Variants in BCL11B observed in about 807,000 individuals in gnomAD.
BCL11B encodes the protein B-cell lymphoma/leukemia 11B.
Under a neutral mutation model 49.9 loss-of-function variants are expected in BCL11B, and 8 were observed. The ratio of observed to expected loss-of-function variants is 0.16; its 90% CI spans 0.09 to 0.29. The LOEUF (loss-of-function observed/expected upper bound fraction) is 0.29. BCL11B is among the 10% of genes least tolerant of loss of function. The pLI, the probability that BCL11B is intolerant of heterozygous loss-of-function variation, is 1.00. For synonymous variants in BCL11B, 739 were observed against 637.4 expected (o/e 1.16, Z -2.40); for missense variants, 1,006 against 1,351.0 (o/e 0.74, Z 4.00).
At position 99,173,574 on chromosome 14, in the gene BCL11B, A is replaced by T. The variant is rs1886362120; in HGVS notation, c.*577T>A. On this transcript the variant is annotated 3_prime_UTR_variant, in exon 4 of 4. Transcript: ENST00000357195. Reference sequence around the variant, plus strand: ...AAAACCAAAAAAAAAATTAAAAAATAATTAAAAAAAAAACTGCATGCCACT... The same window carrying T: ...AAAACCAAAAAAAAAATTAAAAAATTATTAAAAAAAAAACTGCATGCCACT... 1 of 168,062 alleles carries T rather than the reference A, an allele frequency of 6.0e-6. No individual in the cohort carries two copies. Among genetic ancestry groups the T allele is most frequent in the African/African-American group, 2.7e-5 (1 of 37,432 alleles). 10.4% of individuals were successfully genotyped at this position (168,062 alleles called of 1,614,324 possible). A position where few individuals can be genotyped will look rare whatever the true frequency, so the allele number is the denominator to read the frequency against.
chr14:99,256,548 T>C (rs576456815), intron 2 of BCL11B, among the ~76,000 whole-genome samples: 1 of 152,216 alleles, frequency 6.6e-6, no homozygotes, highest in East Asian at 1.9e-4. Flanking sequence ...CAGGCCCTCC[T>C]TTCTCCCCCA....
At chr14:99,179,538 T>C (rs1886641063) in intron 3 of BCL11B, among the ~76,000 whole-genome samples, 1 of 148,042 alleles carries the variant, frequency 6.8e-6, no homozygotes, top group Non-Finnish European at 1.5e-5. Context: ...GGGAGGGCAT[T>C]ACCTGTCCAT....
At chr14:99,180,700 G>A (rs1256995830) in intron 3 of BCL11B, among the ~76,000 whole-genome samples, 5 of 152,266 alleles carry the variant, frequency 3.3e-5, no homozygotes, top group African/African-American at 9.6e-5. Flanking sequence ...GCGTTACGAT[G>A]GGGTTTGCAC....
rs1888896984 is a variant in BCL11B at position 99,247,975 on chromosome 14, G to T, written c.427+9496C>A. On this transcript the variant is annotated intron_variant, in intron 2 of 3. Coordinates refer to ENST00000357195, the MANE Select transcript of BCL11B (RefSeq NM_138576.4). The surrounding 1 kb of genome is among the most constrained non-coding windows in gnomAD (Gnocchi z 4.5). ...GGTCCTGGGCTGGGGGGCTCACCCT[G>T]CCCTTGGCTGCTGCCTTTTCTCCAC... 6.6e-6 allele frequency among the ~76,000 whole-genome samples: 1 copy of T among 152,164 alleles called. No individual in the cohort carries two copies. Among genetic ancestry groups the T allele is most frequent in the Non-Finnish European group, 1.5e-5 (1 of 68,036 alleles).
intron 3 of BCL11B, 85 bp from the exon 4 acceptor site, chr14:99,176,280 G>A: frequency 7.8e-7 from 1 of 1,280,702 alleles, no homozygotes; most frequent in South Asian, 1.4e-5. Flanking sequence ...TGGCCTGGGG[G>A]ACGCGGCCCG....
chr14:99,255,405 GAAAAAAAAA>G (rs67440207), intron 2 of BCL11B, among the ~76,000 whole-genome samples: 33 of 65,168 alleles, frequency 5.1e-4, no homozygotes, highest in South Asian at 3.8e-3. Flanking sequence ...TCACAACCTG[GAAAAAAAAA>G]AAAAAAAAAA....
intron 3 of BCL11B, among the ~76,000 whole-genome samples, chr14:99,223,047 G>C (rs1158102566): frequency 6.6e-6 from 1 of 152,118 alleles, no homozygotes; most frequent in Non-Finnish European, 1.5e-5. Context: ...GCAGTTCAGG[G>C]GTTGGTACGA....
In BCL11B at chr14:99,205,976, C is replaced by A. The variant is rs982133643; in HGVS notation, c.640+25369G>T. On this transcript the variant is annotated intron_variant, in intron 3 of 3. Transcript: ENST00000357195. This position sits in a 1 kb window ranked among gnomAD's most constrained non-coding sequence, Gnocchi z 5.0. ...CTTGTGGGAAGGGAGCCTGAAGTAC[C>A]CCCGATACCCTCAACAGAGGACCGA... is the stretch of plus-strand genomic sequence containing the variant. Among the ~76,000 whole-genome samples the A allele has an allele frequency of 3.3e-5, 5 of 152,112 alleles. No homozygotes were observed. The highest frequency in any genetic ancestry group is 1.2e-4 in the African/African-American group (5 of 41,426).
At chr14:99,234,678 G>A (rs541965906) in intron 2 of BCL11B, among the ~76,000 whole-genome samples, 2 of 152,092 alleles carry the variant, frequency 1.3e-5, no homozygotes, top group South Asian at 4.2e-4. Flanking sequence ...TCACCAAACG[G>A]TCACTATCAT....
chr14:99,236,186 G>A (rs968376039), intron 2 of BCL11B, among the ~76,000 whole-genome samples: 1 of 152,170 alleles, frequency 6.6e-6, no homozygotes, highest in Non-Finnish European at 1.5e-5. Context: ...TACTGTGCAG[G>A]AAAGGCAGCG....
At chr14:99,218,477 T>C (rs1887919731) in intron 3 of BCL11B, among the ~76,000 whole-genome samples, 1 of 152,054 alleles carries the variant, frequency 6.6e-6, no homozygotes, top group African/African-American at 2.4e-5. Flanking sequence ...CCACACTGCC[T>C]TCCATAAACA....
At position 99,257,143 on chromosome 14, in the gene BCL11B, A is replaced by C. The variant is rs1889187708; in HGVS notation, c.427+328T>G. Among the ~76,000 whole-genome samples, 1 of 152,186 alleles carries C rather than the reference A, an allele frequency of 6.6e-6. No individual in the cohort carries two copies. ...CTGTCTGGCTTCAAAATCAGGGACTAAGCCAAGATCAGTAGCAAAGAGAGG... is the reference window on the plus strand; with the variant it reads ...CTGTCTGGCTTCAAAATCAGGGACTCAGCCAAGATCAGTAGCAAAGAGAGG... On this transcript the variant is annotated intron_variant, in intron 2 of 3. Coordinates refer to ENST00000357195, the MANE Select transcript of BCL11B (RefSeq NM_138576.4). This position sits in a 1 kb window ranked among gnomAD's most constrained non-coding sequence, Gnocchi z 6.2.
intron 1 of BCL11B, among the ~76,000 whole-genome samples, chr14:99,263,799 CA>C (rs1435972359): frequency 2.0e-5 from 3 of 152,074 alleles, no homozygotes; most frequent in Non-Finnish European, 2.9e-5. Context: ...TCCAGAACCC[CA>C]AAAACTGAGC....
chr14:99,185,926 A>C (rs1886840189), intron 3 of BCL11B, among the ~76,000 whole-genome samples: 1 of 152,248 alleles, frequency 6.6e-6, no homozygotes, highest in Non-Finnish European at 1.5e-5. Context: ...CAACTTCTCA[A>C]CAACATTTAT....
intron 3 of BCL11B, among the ~76,000 whole-genome samples, chr14:99,199,679 T>TGCGCGCGCGCGCGC (rs1416553945): frequency 1.4e-5 from 1 of 69,906 alleles, no homozygotes; most frequent in Non-Finnish European, 3.7e-5. Flanking sequence ...TGTGTGTGTG[T>TGCGCGCGCGCGCGC]GTGTGCGCGC....
intron 1 of BCL11B, among the ~76,000 whole-genome samples, chr14:99,265,465 C>T (rs572783266): frequency 6.6e-6 from 1 of 152,238 alleles, no homozygotes; most frequent in East Asian, 1.9e-4. Flanking sequence ...TGACCCCCTC[C>T]CATTCCCTCC....
In BCL11B at chr14:99,231,410, G is replaced by A. The variant is rs560305417; in HGVS notation, c.575C>T (p.Ser192Leu). 1.6e-5 allele frequency: 25 copies of A among 1,597,980 alleles called. No individual in the cohort carries two copies. The East Asian group carries it at 2.7e-4, about 17-fold the overall frequency. ...ACCCTCACCCTGAGTCCCGTCACCCGAGACCGGGCGCGCGCTGCAGCACGG... is the reference window on the plus strand; with the variant it reads ...ACCCTCACCCTGAGTCCCGTCACCCAAGACCGGGCGCGCGCTGCAGCACGG... Reference protein sequence around the residue: ...PLPCCSARPVSGDGTQGEGQT... With the variant: ...PLPCCSARPVLGDGTQGEGQT... Residue 192 changes from serine to leucine, a missense_variant, in exon 3 of 4, where the codon TCG (serine) becomes TTG (leucine). By Grantham distance (145) the Ser-to-Leu change is moderately radical. Coordinates refer to ENST00000357195, the MANE Select transcript of BCL11B (RefSeq NM_138576.4). This position sits in a 1 kb window ranked among gnomAD's most constrained non-coding sequence, Gnocchi z 8.1.
chr14:99,218,507 C>T (rs763114919), intron 3 of BCL11B, among the ~76,000 whole-genome samples: 4 of 151,996 alleles, frequency 2.6e-5, no homozygotes, highest in Non-Finnish European at 4.4e-5. Context: ...GAGTGCTAGC[C>T]GAAGGGCCAG....
chr14:99,262,215 A>G lies in BCL11B; in HGVS notation c.59-4376T>C, dbSNP rs1264114336. Among the ~76,000 whole-genome samples the G allele has an allele frequency of 6.6e-6, 1 of 152,036 alleles. No homozygotes were observed. The highest frequency in any genetic ancestry group is 1.5e-5 in the Non-Finnish European group (1 of 68,024). ...CTCCCCCACACACAGGGTGCCAAGG[A>G]CCCCGCCCTCCCTGGCCCATCTCTA... On this transcript the variant is annotated intron_variant, in intron 1 of 3. Transcript: ENST00000357195. This position sits in a 1 kb window ranked among gnomAD's most constrained non-coding sequence, Gnocchi z 4.2.
Sources: gnomAD v4.1 joint callset for allele counts (sites outside exome capture counted in the v4.1 genomes callset) on GRCh38, gnomAD v4.1.1 for gene constraint, Gnocchi (gnomAD v3.1) non-coding constraint, MANE v1.5 for transcripts, NCBI Gene and HGNC (gene_info 2026-07-23, HGNC 2026-07-21) for gene names.